Variants in ESR2 observed in about 807,000 individuals in gnomAD.
ESR2 encodes the protein estrogen receptor beta.
In ESR2, 36 loss-of-function variants were observed where a neutral mutation model predicts 49.6. That is an observed-to-expected ratio of 0.73 (90% CI 0.56 to 0.96). The LOEUF (loss-of-function observed/expected upper bound fraction) is 0.96, where lower values mean the gene tolerates loss of function less well. Among genes scored for constraint, ESR2 ranks in the 40% least tolerant of loss-of-function variants. ESR2 has a pLI of 0.00. For missense variants in ESR2, 714 were observed against 693.0 expected (o/e 1.03, Z -0.34); for synonymous variants, 320 against 266.1 (o/e 1.20, Z -1.97).
chr14:64,323,616 G>C (rs1046878960), intron 1 of ESR2, among the ~76,000 whole-genome samples: 1 of 152,182 alleles, frequency 6.6e-6, no homozygotes. Flanking sequence ...AAAGGCAGAG[G>C]TGGAGGCTAG....
chr14:64,233,205 C>A lies in ESR2; in HGVS notation c.1525G>T (p.Gly509Trp), dbSNP rs888674106. 7.4e-6 allele frequency: 12 copies of A among 1,614,132 alleles called. No homozygotes were observed. The Admixed American group carries it at 1.5e-4, about 20-fold the overall frequency. The stretch of plus-strand genomic sequence containing the variant: ...TCCTCTGCCGGGCTGCACTCGGACC[C>A]CGTGATGGAGGACTTGCACCCGCGA... ...VLRGCKSSIT[G>W]SECSPAEDSK... Residue 509 changes from glycine (G) to tryptophan (W), a missense_variant, in exon 9 of 9, where the codon GGG (glycine) becomes TGG (tryptophan). By Grantham distance (184) the Gly-to-Trp change is radical. Coordinates refer to ENST00000341099, the MANE Select transcript of ESR2 (RefSeq NM_001437.3).
chr14:64,305,670 CAATA>C (rs897233050), intron 1 of ESR2, among the ~76,000 whole-genome samples: 1 of 151,194 alleles, frequency 6.6e-6, no homozygotes, highest in African/African-American at 2.4e-5. Context: ...GACTCTGTCT[CAATA>C]AATAAATAAA....
At chr14:64,309,462 A>G (rs1374118337) in intron 1 of ESR2, among the ~76,000 whole-genome samples, 1 of 151,498 alleles carries the variant, frequency 6.6e-6, no homozygotes, top group Admixed American at 6.6e-5. Flanking sequence ...AAATACAAAA[A>G]AGTATTGTAT....
intron 1 of ESR2, among the ~76,000 whole-genome samples, chr14:64,313,543 AAAG>A (rs1164775296): frequency 6.7e-6 from 1 of 149,502 alleles, no homozygotes. Context: ...AAAAAAAAAA[AAAG>A]AAAAGAAAAG....
intron 1 of ESR2, among the ~76,000 whole-genome samples, chr14:64,333,404 C>A (rs1322121442): frequency 3.9e-5 from 6 of 152,134 alleles, no homozygotes; most frequent in Admixed American, 1.3e-4. Flanking sequence ...ATTTCAGGGA[C>A]ACTATCTGGG....
chr14:64,227,209 C>T (rs1315402671), downstream of ESR2: 1 of 356,116 alleles, frequency 2.8e-6, no homozygotes, highest in African/African-American at 2.1e-5. Context: ...AAAGCACAAA[C>T]CTCAGGGGAA....
chr14:64,321,690 C>T (rs1209941031), intron 1 of ESR2, among the ~76,000 whole-genome samples: 1 of 151,996 alleles, frequency 6.6e-6, no homozygotes, highest in African/African-American at 2.4e-5. Flanking sequence ...AAAGAAAAGC[C>T]CAGTGGTCAA....
Position 64,230,639 on chromosome 14 carries a change from T to G in ESR2, c.*2498A>C, listed in dbSNP as rs1486623953. ...AAATCCCTTCAAGACTATTTTAGGG[T>G]CAAGTCTTTTGTAGTCAGTCCTGGT... On this transcript the variant is annotated 3_prime_UTR_variant, in exon 9 of 9. Transcript: ENST00000341099. Among the ~76,000 whole-genome samples the G allele has an allele frequency of 1.3e-5, 2 of 151,958 alleles. No individual in the cohort carries two copies. The highest frequency in any genetic ancestry group is 6.6e-5 in the Admixed American group (1 of 15,258).
At chr14:64,319,827 T>C (rs1366166543) in intron 1 of ESR2, among the ~76,000 whole-genome samples, 3 of 152,206 alleles carry the variant, frequency 2.0e-5, no homozygotes, top group Non-Finnish European at 4.4e-5. Flanking sequence ...CATTCATTGC[T>C]GATGGAAATG....
At chr14:64,256,073 G>A (rs1186155956) in intron 6 of ESR2, among the ~76,000 whole-genome samples, 1 of 152,196 alleles carries the variant, frequency 6.6e-6, no homozygotes, top group African/African-American at 2.4e-5. Context: ...GTAGACACTA[G>A]GCATCCTCCC....
chr14:64,238,517 C>T lies in ESR2; in HGVS notation c.1226-3367G>A, dbSNP rs2075654277. 3.3e-5 allele frequency among the ~76,000 whole-genome samples: 5 copies of T among 152,248 alleles called. 1 individual carries two copies. In the South Asian group the frequency reaches 1.0e-3, roughly 32 times the overall value. On this transcript the variant is annotated intron_variant, in intron 7 of 8. Transcript: ENST00000341099. ...CTCTCCAGTCAGCAGTGCGTGCCTGCACCTCAGACATCCATGCTCAGGCCC... is the reference window on the plus strand; with the variant it reads ...CTCTCCAGTCAGCAGTGCGTGCCTGTACCTCAGACATCCATGCTCAGGCCC...
chr14:64,306,622 A>G (rs1268219954), intron 1 of ESR2, among the ~76,000 whole-genome samples: 1 of 152,238 alleles, frequency 6.6e-6, no homozygotes, highest in African/African-American at 2.4e-5. Context: ...ATATGCCTGA[A>G]ATAAACTCCG....
downstream of ESR2, chr14:64,227,959 A>T (rs1302658107): frequency 1.3e-6 from 2 of 1,586,128 alleles, no homozygotes; most frequent in African/African-American, 2.7e-5. Context: ...AATCAAACTC[A>T]GAATGATTAC....
intron 1 of ESR2, among the ~76,000 whole-genome samples, chr14:64,315,193 A>T (rs1356803059): frequency 6.7e-6 from 1 of 149,522 alleles, no homozygotes; most frequent in Non-Finnish European, 1.5e-5. Flanking sequence ...GTGGTAAGCC[A>T]AGATCGCACC....
chr14:64,227,763 C>G, downstream of ESR2: 1 of 1,539,164 alleles, frequency 6.5e-7, no homozygotes, highest in Non-Finnish European at 8.7e-7. Flanking sequence ...AGGGAGGCCA[C>G]TGCAGCTTCT....
chr14:64,279,938 C>A, intron 3 of ESR2, 43 bp downstream of exon 3: 1 of 1,556,040 alleles, frequency 6.4e-7, no homozygotes, highest in South Asian at 1.1e-5. Context: ...TGTTTGAAAT[C>A]AAAAGTAGGA....
At chr14:64,283,712 C>T (rs1256426922) in intron 1 of ESR2, among the ~76,000 whole-genome samples, 2 of 133,162 alleles carry the variant, frequency 1.5e-5, no homozygotes, top group African/African-American at 2.9e-5. Context: ...TGTGCCACCG[C>T]GCTCCAGCCT....
At chr14:64,257,983 A>G (rs185649793) in intron 5 of ESR2, among the ~76,000 whole-genome samples, 2,305 of 152,250 alleles carry the variant, frequency 0.015, 27 homozygotes, top group Non-Finnish European at 0.027. Flanking sequence ...TTGGGAGGTC[A>G]AGGTGGGTGG....
chr14:64,334,553 T>C (rs1476978115), intron 1 of ESR2, among the ~76,000 whole-genome samples: 1 of 152,238 alleles, frequency 6.6e-6, no homozygotes, highest in Non-Finnish European at 1.5e-5. Context: ...ATTGGCCATA[T>C]TCTACACATA....
Sources: gnomAD v4.1 joint callset for allele counts (sites outside exome capture counted in the v4.1 genomes callset) on GRCh38, gnomAD v4.1.1 for gene constraint, MANE v1.5 for transcripts, NCBI Gene and HGNC (gene_info 2026-07-23, HGNC 2026-07-21) for gene names.